Variants in FBXO30 observed in about 807,000 individuals in gnomAD.
FBXO30 encodes the protein F-box protein 30, also known as F-box only protein 30.
In FBXO30, 21 loss-of-function variants were observed where a neutral mutation model predicts 58.1. The ratio of observed to expected loss-of-function variants is 0.36; its 90% CI spans 0.26 to 0.52. The LOEUF (loss-of-function observed/expected upper bound fraction) is 0.52, where lower values mean the gene tolerates loss of function less well. FBXO30 is among the 20% of genes least tolerant of loss of function. The pLI is 0.93. For synonymous variants in FBXO30, 309 were observed against 312.4 expected, an observed-to-expected ratio of 0.99 and a Z score of 0.11; for missense variants, 744 against 897.3, an observed-to-expected ratio of 0.83 and a Z score of 2.18.
At position 145,795,478 on chromosome 6, in the gene FBXO30, CTTATG is replaced by C. The variant is rs1352319963; in HGVS notation, c.*4623_*4627del. 3 of 151,874 alleles carry C rather than the reference CTTATG, an allele frequency of 2.0e-5. No homozygotes were observed. The highest frequency in any genetic ancestry group is 2.0e-4 in the Admixed American group (3 of 15,252). 9.4% of individuals were successfully genotyped at this position (151,874 alleles called of 1,614,324 possible). On this transcript the variant is annotated 3_prime_UTR_variant, in exon 3 of 3. Transcript: ENST00000237281. ...GCTTAAATTTTTACCCAGTATTTGC[CTTATG>C]TTGTCAGTTCACTTCAAAAATGTTT...
Position 145,798,464 on chromosome 6 carries a change from C to T in FBXO30, c.*1642G>A, listed in dbSNP as rs1777909342. 5.9e-5 allele frequency: 9 copies of T among 152,432 alleles called. No individual in the cohort carries two copies. In the Admixed American group the frequency reaches 5.9e-4, roughly 10 times the overall value. The allele number at this position is 152,432 out of a possible 1,614,324, so 9.4% of individuals were successfully genotyped here. A position where few individuals can be genotyped will look rare whatever the true frequency, so the allele number is the denominator to read the frequency against. On this transcript the variant is annotated 3_prime_UTR_variant, in exon 3 of 3. Transcript: ENST00000237281. ...ACCACAGACACATTCTTCAGCAAAA[C>T]TTTAAAAGGCAGAGTTACATTTTAT...
rs1182732102 is a variant in FBXO30 at position 145,795,345 on chromosome 6, C to CTT, written c.*4759_*4760dup. Reference sequence around the variant, plus strand: ...GTTCAACACAAATGCAGTTTTGTTACTTTCAAATACACGAAGAACTATTAA... The same window carrying CTT: ...GTTCAACACAAATGCAGTTTTGTTACTTTTTCAAATACACGAAGAACTATTAA... On this transcript the variant is annotated 3_prime_UTR_variant, in exon 3 of 3. Coordinates refer to ENST00000237281, the MANE Select transcript of FBXO30 (RefSeq NM_032145.5). 1 of 151,828 alleles carries CTT rather than the reference C, an allele frequency of 6.6e-6. No homozygotes were observed. The highest frequency in any genetic ancestry group is 1.5e-5 in the Non-Finnish European group (1 of 67,774). 9.4% of individuals were successfully genotyped at this position (151,828 alleles called of 1,614,324 possible).
intron 1 of FBXO30, among the ~76,000 whole-genome samples, chr6:145,808,448 C>T (rs1372656003): frequency 1.3e-5 from 2 of 152,096 alleles, no homozygotes; most frequent in Admixed American, 1.3e-4. Flanking sequence ...CATGATGTCA[C>T]TCCAGTCTTT....
rs938779000 is a variant in FBXO30, at chr6:145,796,295, T to C, written c.*3811A>G. The C allele has an allele frequency of 6.6e-6, 1 of 152,032 alleles. No homozygotes were observed. Among genetic ancestry groups the C allele is most frequent in the African/African-American group, 2.4e-5 (1 of 41,430 alleles). 9.4% of individuals were successfully genotyped at this position (152,032 alleles called of 1,614,324 possible). On this transcript the variant is annotated 3_prime_UTR_variant, in exon 3 of 3. Transcript: ENST00000237281. ...TATTTAGAAAGGACTTCATTAGAGT[T>C]GATCTTTTCTGAATTCGAACTTTGC...
In FBXO30 at chr6:145,800,055, AAAG is replaced by A. The variant is rs1170125715; in HGVS notation, c.*48_*50del. On this transcript the variant is annotated 3_prime_UTR_variant, in exon 3 of 3. Coordinates refer to ENST00000237281, the MANE Select transcript of FBXO30 (RefSeq NM_032145.5). The stretch of plus-strand genomic sequence containing the variant: ...ACATTAATAAAGTTTCACATATTAC[AAAG>A]AAATTATACTAGGTGCTTGCATATA... The A allele has an allele frequency of 7.3e-7, 1 of 1,367,942 alleles. No individual in the cohort carries two copies. The highest frequency in any genetic ancestry group is 1.0e-6 in the Non-Finnish European group (1 of 971,198). 84.7% of individuals were successfully genotyped at this position (1,367,942 alleles called of 1,614,324 possible).
At chr6:145,808,800 C>G (rs576971164) in intron 1 of FBXO30, among the ~76,000 whole-genome samples, 76 of 152,268 alleles carry the variant, frequency 5.0e-4, no homozygotes, top group African/African-American at 1.8e-3. Flanking sequence ...GTTTTCTTCA[C>G]CTCAGTGCGT....
rs778647618 is a variant in FBXO30 at position 145,804,661 on chromosome 6, C to A, written c.1745G>T (p.Arg582Leu). The A allele has an allele frequency of 1.2e-6, 2 of 1,613,864 alleles. No homozygotes were observed. The highest frequency in any genetic ancestry group is 2.2e-5 in the South Asian group (2 of 91,076). ...CTGAACTCCAAATGACCTCAAATGG[C>A]GGTCATGTATAATCTTTGCTCCTTG... ...SIQGAKIIHD[R>L]HLRSFGVQPC... The change falls in exon 2 of 3, where the codon CGC (arginine) becomes CTC (leucine). Residue 582 changes from arginine (R) to leucine (L), a missense_variant. Transcript: ENST00000237281.
intron 1 of FBXO30, among the ~76,000 whole-genome samples, chr6:145,811,070 T>C (rs1778320694): frequency 6.6e-6 from 1 of 152,238 alleles, no homozygotes; most frequent in Non-Finnish European, 1.5e-5. Context: ...TTCTGTATAA[T>C]ATCTATTTCC....
Position 145,806,714 on chromosome 6 carries a change from A to C in FBXO30, c.-16-293T>G, listed in dbSNP as rs1028981176. 3.9e-5 allele frequency among the ~76,000 whole-genome samples: 6 copies of C among 152,198 alleles called. 1 individual carries two copies. Among genetic ancestry groups the C allele is most frequent in the African/African-American group, 1.4e-4 (6 of 41,450 alleles). ...AAAAGTTTCAAAATATACTATTTAA[A>C]TTCTAATACTGTGTATTATTTAATG... On this transcript the variant is annotated intron_variant, in intron 1 of 2. Transcript: ENST00000237281.
chr6:145,813,679 A>AT (rs1449458483), intron 1 of FBXO30, among the ~76,000 whole-genome samples: 16 of 39,588 alleles, frequency 4.0e-4, no homozygotes, highest in Non-Finnish European at 6.0e-4. Context: ...AAAGTTTGGG[A>AT]TTTTGTATTA....
At chr6:145,814,367 C>G (rs1778433952) in intron 1 of FBXO30, among the ~76,000 whole-genome samples, 1 of 152,148 alleles carries the variant, frequency 6.6e-6, no homozygotes, top group Non-Finnish European at 1.5e-5. Context: ...GCATGCGGCC[C>G]GGCGAGGACA....
chr6:145,809,973 A>G (rs777280719), intron 1 of FBXO30: 2 of 152,236 alleles, frequency 1.3e-5, no homozygotes, highest in Non-Finnish European at 2.9e-5. Flanking sequence ...TGTTATGTGA[A>G]GAATGGAGAT....
At chr6:145,811,733 T>C (rs1778339698) in intron 1 of FBXO30, among the ~76,000 whole-genome samples, 1 of 152,212 alleles carries the variant, frequency 6.6e-6, no homozygotes, top group South Asian at 2.1e-4. Flanking sequence ...TTAGATAAAA[T>C]ATACTTAAAA....
Position 145,806,311 on chromosome 6 carries a change from C to T in FBXO30, c.95G>A (p.Gly32Asp). The change falls in exon 2 of 3, where the codon GGT (glycine) becomes GAT (aspartate). Residue 32 changes from glycine (G) to aspartate (D), a missense_variant. By Grantham distance (94) the Gly-to-Asp change is moderately conservative (BLOSUM62 -1). Transcript: ENST00000237281. The stretch of plus-strand genomic sequence containing the variant: ...AACTGCACCACAAACCAATGGACAA[C>T]CAATCAAATCACAGGAAATCCCTGG... ...PEPGISCDLI[G>D]CPLVCGAVFH... 6.2e-7 allele frequency: 1 copy of T among 1,614,042 alleles called. No individual in the cohort carries two copies. Among genetic ancestry groups the T allele is most frequent in the Non-Finnish European group, 8.5e-7 (1 of 1,179,980 alleles).
chr6:145,805,407 C>A lies in FBXO30; in HGVS notation c.999G>T (p.Val333=). The change falls in exon 2 of 3, where the codon GTG becomes GTT. Residue 333 remains valine, a synonymous_variant. Coordinates refer to ENST00000237281, the MANE Select transcript of FBXO30 (RefSeq NM_032145.5). The stretch of plus-strand genomic sequence containing the variant: ...GTATTATTTCCCTAAGTTGTGCTGC[C>A]ACCGCAAGTGAGCTGGAAGGTTTTG... ...GTSKPSSSLA[V]AAQLREIIPS... is the part of the protein sequence containing the mutation. The A allele has an allele frequency of 1.2e-6, 2 of 1,614,006 alleles. No individual in the cohort carries two copies. The highest frequency in any genetic ancestry group is 1.7e-6 in the Non-Finnish European group (2 of 1,179,952).
rs144656644 is a variant in FBXO30, at chr6:145,812,391, C to A, written c.-17+2212G>T. On this transcript the variant is annotated intron_variant, in intron 1 of 2. Coordinates refer to ENST00000237281, the MANE Select transcript of FBXO30 (RefSeq NM_032145.5). ...TAAATATTTAATACTCGGACTAGAA[C>A]CTATTTGAGTTGATACTCAGATAAA... Among the ~76,000 whole-genome samples, 502 of 152,196 alleles carry A rather than the reference C, an allele frequency of 3.3e-3. 3 individuals are homozygous for A. The highest frequency in any genetic ancestry group is 0.011 in the African/African-American group (470 of 41,540).
chr6:145,812,705 T>A (rs151220500), intron 1 of FBXO30, among the ~76,000 whole-genome samples: 4 of 152,176 alleles, frequency 2.6e-5, no homozygotes, highest in Non-Finnish European at 5.9e-5. Flanking sequence ...TGCAATCATA[T>A]GAAGAACTAC....
rs544131513 is a variant in FBXO30, at chr6:145,797,561, A to C, written c.*2545T>G. On this transcript the variant is annotated 3_prime_UTR_variant, in exon 3 of 3. Transcript: ENST00000237281. The stretch of plus-strand genomic sequence containing the variant: ...TTCACTAAGTCTGGAGAGAAGCCTA[A>C]TAATCTGCATTTCTAACAAATTCCT... 13 of 152,180 alleles carry C rather than the reference A, an allele frequency of 8.5e-5. No individual in the cohort carries two copies. The South Asian group carries it at 2.7e-3, about 32-fold the overall frequency. 9.4% of individuals were successfully genotyped at this position (152,180 alleles called of 1,614,324 possible). A position where few individuals can be genotyped will look rare whatever the true frequency, so the allele number is the denominator to read the frequency against.
chr6:145,805,806 C>G lies in FBXO30; in HGVS notation c.600G>C (p.Leu200=). 1 of 1,614,048 alleles carries G rather than the reference C, an allele frequency of 6.2e-7. No homozygotes were observed. Among genetic ancestry groups the G allele is most frequent in the Middle Eastern group, 1.7e-4 (1 of 6,060 alleles). ...TRSLAAALDI[L]NTATRDIGML... ...TGCCAATGTCTCTTGTAGCAGTATT[C>G]AGGATATCCAAAGCAGCAGCCAAAC... The change falls in exon 2 of 3, where the codon CTG becomes CTC. Residue 200 remains leucine, a synonymous_variant. Transcript: ENST00000237281.
Sources: gnomAD v4.1 joint callset for allele counts (sites outside exome capture counted in the v4.1 genomes callset) on GRCh38, gnomAD v4.1.1 for gene constraint, MANE v1.5 for transcripts, NCBI Gene and HGNC (gene_info 2026-07-23, HGNC 2026-07-21) for gene names.